Variants in GRK1 observed in about 807,000 individuals in gnomAD.
The protein encoded by GRK1 is rhodopsin kinase GRK1.
Under a neutral mutation model 41.7 loss-of-function variants are expected in GRK1, and 28 were observed. That is an observed-to-expected ratio of 0.67 (90% CI 0.50 to 0.92). The LOEUF is 0.92. Ranked by LOEUF, GRK1 falls within the 40% of genes least tolerant of loss-of-function variation. GRK1 has a pLI of 0.00. For synonymous variants in GRK1, 327 were observed against 286.7 expected (o/e 1.14, Z -1.42); for missense variants, 703 against 671.2 (o/e 1.05, Z -0.52).
At chr13:113,668,461 C>T (rs868418685) in intron 1 of GRK1, among the ~76,000 whole-genome samples, 16 of 152,222 alleles carry the variant, frequency 1.1e-4, no homozygotes, top group Non-Finnish European at 2.4e-4. Context: ...TTTCCAGGGC[C>T]CTGGCTCCTC....
chr13:113,733,900 TG>T (rs1373425283), intron 6 of GRK1, among the ~76,000 whole-genome samples: 3 of 110,298 alleles, frequency 2.7e-5, no homozygotes, highest in Admixed American at 2.5e-4. Flanking sequence ...CGTGTGTGTA[TG>T]TGTGCATACA....
chr13:113,724,133 C>T (rs1036013857), intron 4 of GRK1, among the ~76,000 whole-genome samples: 1 of 152,138 alleles, frequency 6.6e-6, no homozygotes, highest in African/African-American at 2.4e-5. Flanking sequence ...GAGGAGACCC[C>T]CACAGTCAAG....
Position 113,736,697 on chromosome 13 carries a change from A to G in GRK1, c.*1334A>G, listed in dbSNP as rs2050006967. On this transcript the variant is annotated 3_prime_UTR_variant, in exon 7 of 7. Coordinates refer to ENST00000335678, the MANE Select transcript of GRK1 (RefSeq NM_002929.3). ...GCCTCTGAGCTCCTTTTAGGAAAGA[A>G]CTTCCTTTGAGCCCCGGCCACTGTT... 1 of 152,118 alleles carries G rather than the reference A, an allele frequency of 6.6e-6. No individual in the cohort carries two copies. The highest frequency in any genetic ancestry group is 2.4e-5 in the African/African-American group (1 of 41,396). The allele number at this position is 152,118 out of a possible 1,614,324, so 9.4% of individuals were successfully genotyped here. A position where few individuals can be genotyped will look rare whatever the true frequency, so the allele number is the denominator to read the frequency against.
chr13:113,733,028 G>A lies in GRK1; in HGVS notation c.1339G>A (p.Asp447Asn), dbSNP rs1440551772. ...CCTGGGGTTCAGAGATGAGACCTGC[G>A]ACAAGCTCCGTGCCCACCCCCTCTT... The part of the protein sequence containing the change: ...KRLGFRDETC[D>N]KLRAHPLFKD... Residue 447 changes from aspartate to asparagine, a missense_variant, in exon 6 of 7, where the codon GAC (aspartate) becomes AAC (asparagine). Coordinates refer to ENST00000335678, the MANE Select transcript of GRK1 (RefSeq NM_002929.3). The A allele has an allele frequency of 4.6e-6, 7 of 1,536,948 alleles. No homozygotes were observed. The highest frequency in any genetic ancestry group is 1.7e-4 in the Middle Eastern group (1 of 6,012).
rs1314250137 is a variant in GRK1 at position 113,733,994 on chromosome 13, ATG to A, written c.1396+916_1396+917del. Among the ~76,000 whole-genome samples the A allele has an allele frequency of 4.9e-3, 401 of 81,036 alleles. 1 individual carries two copies. The highest frequency in any genetic ancestry group is 7.3e-3 in the Non-Finnish European group (303 of 41,298). 53.2% of individuals were successfully genotyped at this position (81,036 alleles called of 152,430 possible). A position where few individuals can be genotyped will look rare whatever the true frequency, so the allele number is the denominator to read the frequency against. On this transcript the variant is annotated intron_variant, in intron 6 of 6. Transcript: ENST00000335678. ...CGTGTGTGCGCATGTGTGTGCATAC[ATG>A]TGTGTGCGTGTGCGTGCATGTGTGT...
chr13:113,653,118 C>A, the GRK1 span: 1 of 1,572,220 alleles, frequency 6.4e-7, no homozygotes, highest in Non-Finnish European at 8.7e-7. Flanking sequence ...CTGGCCCTGA[C>A]GCCTGGCTGC....
At chr13:113,653,405 C>G in the GRK1 span, 85 of 1,614,252 alleles carry the variant, frequency 5.3e-5, no homozygotes, top group Admixed American at 4.8e-4. Context: ...AGGCCTTTCT[C>G]CCCGTAAACA....
chr13:113,733,604 CGCAT>C (rs2049957250), intron 6 of GRK1, among the ~76,000 whole-genome samples: 2 of 137,744 alleles, frequency 1.5e-5, no homozygotes, highest in African/African-American at 2.8e-5. Context: ...TGCATGTGTG[CGCAT>C]GTGTATGTGT....
At chr13:113,650,815 C>T in the GRK1 span, among the ~76,000 whole-genome samples, 1 of 152,064 alleles carries the variant, frequency 6.6e-6, no homozygotes. This position sits in a 1 kb window ranked among gnomAD's most constrained non-coding sequence, Gnocchi z 5.0. Context: ...TCGAGGGTAG[C>T]CACTGCTCAG....
At chr13:113,649,422 G>C in the GRK1 span, 1 of 1,588,056 alleles carries the variant, frequency 6.3e-7, no homozygotes, top group African/African-American at 1.3e-5. The surrounding 1 kb of genome is among the most constrained non-coding windows in gnomAD (Gnocchi z 4.7). Flanking sequence ...CATACGGGTC[G>C]TGGGGATTGT....
At chr13:113,665,803 T>A (rs914965283), upstream of GRK1, among the ~76,000 whole-genome samples, 3 of 132,726 alleles carry the variant, frequency 2.3e-5, no homozygotes, top group Non-Finnish European at 4.8e-5. Flanking sequence ...CTCAGATGGG[T>A]CCCAAGTGTT....
At chr13:113,666,162 T>TG, upstream of GRK1, among the ~76,000 whole-genome samples, 1 of 135,600 alleles carries the variant, frequency 7.4e-6, no homozygotes, top group Admixed American at 7.1e-5. Flanking sequence ...GTCCCAAGTG[T>TG]TCCCCAGCTG....
chr13:113,724,300 G>A (rs2049876496), intron 4 of GRK1, among the ~76,000 whole-genome samples: 1 of 152,238 alleles, frequency 6.6e-6, no homozygotes, highest in South Asian at 2.1e-4. Context: ...GCCACACCGT[G>A]AATTTGAGTT....
intron 2 of GRK1, among the ~76,000 whole-genome samples, chr13:113,670,316 A>G (rs1039600532): frequency 2.0e-5 from 3 of 152,186 alleles, no homozygotes; most frequent in African/African-American, 7.2e-5. Flanking sequence ...GACAGGCCCC[A>G]GGCCCGTGCT....
chr13:113,735,546 A>T lies in GRK1; in HGVS notation c.*183A>T, dbSNP rs2049997829. ...AAAGCCCACATCGGCCTGAGCCGCC[A>T]GACGCACATGCTGGTGCCGTGAGCC... On this transcript the variant is annotated 3_prime_UTR_variant, in exon 7 of 7. Coordinates refer to ENST00000335678, the MANE Select transcript of GRK1 (RefSeq NM_002929.3). 3 of 593,516 alleles carry T rather than the reference A, an allele frequency of 5.1e-6. No homozygotes were observed. The highest frequency in any genetic ancestry group is 8.3e-6 in the Non-Finnish European group (3 of 363,502). 36.8% of individuals were successfully genotyped at this position (593,516 alleles called of 1,614,324 possible).
At chr13:113,735,015 C>A in intron 6 of GRK1, 53 bp from the exon 7 acceptor site, 4 of 1,437,912 alleles carry the variant, frequency 2.8e-6, no homozygotes, top group African/African-American at 1.4e-5. Flanking sequence ...GGCTAAACGG[C>A]GCTTCCTTCC....
the GRK1 span, chr13:113,651,765 C>CCCACCG: frequency 6.2e-7 from 1 of 1,607,618 alleles, no homozygotes. Flanking sequence ...GCTCCCCACC[C>CCCACCG]CCACCGCCAT....
intron 5 of GRK1, among the ~76,000 whole-genome samples, chr13:113,732,425 G>A (rs1010432911): frequency 6.6e-6 from 1 of 152,164 alleles, no homozygotes; most frequent in Non-Finnish European, 1.5e-5. Context: ...GGCCTGATCC[G>A]GGGGCCTTGG....
chr13:113,729,565 A>G (rs1427122929), intron 4 of GRK1, among the ~76,000 whole-genome samples: 1 of 152,218 alleles, frequency 6.6e-6, no homozygotes, highest in South Asian at 2.1e-4. Context: ...GGCAGCTGAC[A>G]CAAGGAAGCA....
Sources: gnomAD v4.1 joint callset for allele counts (sites outside exome capture counted in the v4.1 genomes callset) on GRCh38, gnomAD v4.1.1 for gene constraint, Gnocchi (gnomAD v3.1) non-coding constraint, MANE v1.5 for transcripts, NCBI Gene and HGNC (gene_info 2026-07-23, HGNC 2026-07-21) for gene names.